MIB1: variants seen among roughly 807,000 people sequenced by gnomAD.
MIB1 encodes E3 ubiquitin-protein ligase MIB1.
In MIB1, 278 loss-of-function variants were observed where a neutral mutation model predicts 124.5. The observed-to-expected ratio is 2.23, with a 90% CI of 2.02 to 2.47. MIB1 has a LOEUF of 2.47. MIB1 is among the 30% of genes most tolerant of loss of function. MIB1 has a pLI of 0.00. For synonymous variants in MIB1, 446 were observed against 429.4 expected (o/e 1.04, Z -0.48); for missense variants, 957 against 1,254.4 (o/e 0.76, Z 3.58).
intron 12 of MIB1, among the ~76,000 whole-genome samples, chr18:21,829,744 G>T (rs2041961523): frequency 1.3e-5 from 2 of 151,770 alleles, no homozygotes; most frequent in Middle Eastern, 3.4e-3. Flanking sequence ...CTTCTCTTTG[G>T]GTTAAATACA....
chr18:21,736,144 CA>C (rs1211996572), upstream of MIB1, among the ~76,000 whole-genome samples: 1 of 152,198 alleles, frequency 6.6e-6, no homozygotes, highest in Non-Finnish European at 1.5e-5. Flanking sequence ...TGGCATCTGG[CA>C]GGTGCCCCTC....
chr18:21,773,598 T>A, intron 3 of MIB1, 26 bp from the exon 4 acceptor site: 2 of 1,546,426 alleles, frequency 1.3e-6, no homozygotes, highest in Non-Finnish European at 1.8e-6. Flanking sequence ...TTAAAAAACT[T>A]CTTTTCTCAA....
intron 1 of MIB1, among the ~76,000 whole-genome samples, chr18:21,727,805 CTT>C (rs1215736117): frequency 6.6e-6 from 1 of 152,120 alleles, no homozygotes; most frequent in Non-Finnish European, 1.5e-5. Context: ...GTCAGAGACT[CTT>C]TGGTTTCCTG....
Position 21,741,056 on chromosome 18 carries a change from C to A in MIB1, c.-528C>A, listed in dbSNP as rs551084883. On this transcript the variant is annotated 5_prime_UTR_variant, in exon 1 of 21. Transcript: ENST00000261537. The surrounding 1 kb of genome is among the most constrained non-coding windows in gnomAD (Gnocchi z 5.4). The stretch of plus-strand genomic sequence containing the variant: ...CCTGAGGGCCCGGGCGCTCGCCGGA[C>A]GCCGGGAGGTACCACCGCTGCCCAC... Among the ~76,000 whole-genome samples the A allele has an allele frequency of 8.6e-5, 13 of 151,988 alleles. No homozygotes were observed. Among genetic ancestry groups the A allele is most frequent in the African/African-American group, 3.1e-4 (13 of 41,480 alleles).
In MIB1 at chr18:21,765,806, C is replaced by G. The variant is rs1242581374; in HGVS notation, c.264C>G (p.Cys88Trp). The change falls in exon 2 of 21, where the codon TGC becomes TGG. Residue 88 changes from cysteine (C) to tryptophan (W), a missense_variant. By Grantham distance (215) the Cys-to-Trp change is radical (BLOSUM62 -2). Coordinates refer to ENST00000261537, the MANE Select transcript of MIB1 (RefSeq NM_020774.4). ...IKHDGTMCDT[C>W]RQQPIIGIRW... ...ATGATGGAACCATGTGTGATACCTG[C>G]CGCCAGCAACCAATCATTGGCATTC... The G allele has an allele frequency of 1.2e-6, 2 of 1,614,056 alleles. No individual in the cohort carries two copies. Among genetic ancestry groups the G allele is most frequent in the Admixed American group, 1.7e-5 (1 of 60,016 alleles).
chr18:21,777,118 C>T (rs2041298225), intron 4 of MIB1, among the ~76,000 whole-genome samples: 1 of 151,738 alleles, frequency 6.6e-6, no homozygotes, highest in African/African-American at 2.4e-5. Flanking sequence ...GTAAAAGTAT[C>T]TTTAAAATGG....
intron 1 of MIB1, among the ~76,000 whole-genome samples, chr18:21,721,869 T>C (rs2040717276): frequency 6.6e-6 from 1 of 152,238 alleles, no homozygotes; most frequent in African/African-American, 2.4e-5. Context: ...TACATTACTG[T>C]GGAGTGTTGG....
At chr18:21,790,529 A>C (rs1179091474) in intron 6 of MIB1, among the ~76,000 whole-genome samples, 1 of 152,178 alleles carries the variant, frequency 6.6e-6, no homozygotes, top group Non-Finnish European at 1.5e-5. Flanking sequence ...CATTCTTTGA[A>C]AAAAAAGTCA....
chr18:21,757,482 A>G (rs867490387), intron 1 of MIB1, among the ~76,000 whole-genome samples: 22 of 115,462 alleles, frequency 1.9e-4, no homozygotes, highest in African/African-American at 6.7e-4. Context: ...AAAAAAAAAG[A>G]CAGTCTTTTT....
intron 1 of MIB1, among the ~76,000 whole-genome samples, chr18:21,706,506 G>A (rs559202794): frequency 6.6e-6 from 1 of 152,316 alleles, no homozygotes; most frequent in East Asian, 1.9e-4. Flanking sequence ...CTTGCAGGGA[G>A]GTGTGGAGAG....
chr18:21,795,124 A>G (rs2041558160), intron 7 of MIB1, among the ~76,000 whole-genome samples: 2 of 151,468 alleles, frequency 1.3e-5, no homozygotes, highest in South Asian at 2.1e-4. Flanking sequence ...GAGCACATGA[A>G]AAGTTTAATA....
intron 8 of MIB1, among the ~76,000 whole-genome samples, 189 bp downstream of exon 8, chr18:21,798,417 A>G (rs1297499146): frequency 6.6e-6 from 1 of 152,094 alleles, no homozygotes; most frequent in Non-Finnish European, 1.5e-5. Flanking sequence ...AATGTGTTGA[A>G]CAACCTTTAT....
At chr18:21,773,874 A>C in intron 4 of MIB1, 146 bp downstream of exon 4, 1 of 537,798 alleles carries the variant, frequency 1.9e-6, no homozygotes, top group Non-Finnish European at 3.2e-6. Flanking sequence ...TTTAATAGTA[A>C]ATATGATTTG....
chr18:21,822,915 T>C (rs918935845), intron 12 of MIB1, among the ~76,000 whole-genome samples: 2 of 151,832 alleles, frequency 1.3e-5, no homozygotes, highest in African/African-American at 4.8e-5. Flanking sequence ...ACCTGGGCAA[T>C]GTAGCAAGAC....
chr18:21,752,895 C>G (rs2040991106), intron 1 of MIB1, among the ~76,000 whole-genome samples: 1 of 152,050 alleles, frequency 6.6e-6, no homozygotes. Flanking sequence ...AGTTTATATA[C>G]AGACTAATGA....
At chr18:21,730,097 C>T (rs2040761418) in intron 1 of MIB1, among the ~76,000 whole-genome samples, 1 of 152,216 alleles carries the variant, frequency 6.6e-6, no homozygotes, top group African/African-American at 2.4e-5. Context: ...TGAATTCCTT[C>T]ATTCTTCAAT....
Position 21,869,890 on chromosome 18 carries a change from A to G in MIB1, c.*5224A>G, listed in dbSNP as rs547731527. The G allele has an allele frequency of 6.6e-6, 1 of 152,134 alleles. No homozygotes were observed. Among genetic ancestry groups the G allele is most frequent in the Non-Finnish European group, 1.5e-5 (1 of 67,924 alleles). 9.4% of individuals were successfully genotyped at this position (152,134 alleles called of 1,614,324 possible). A position where few individuals can be genotyped will look rare whatever the true frequency, so the allele number is the denominator to read the frequency against. The stretch of plus-strand genomic sequence containing the variant: ...GTATGTCATTCTTAATGCTAGTCTT[A>G]TAGAATAAATCCATAAAATTGTTTT... On this transcript the variant is annotated 3_prime_UTR_variant, in exon 21 of 21. Transcript: ENST00000261537.
chr18:21,759,346 G>A (rs1390211805), intron 1 of MIB1, among the ~76,000 whole-genome samples: 9 of 151,932 alleles, frequency 5.9e-5, no homozygotes, highest in African/African-American at 1.7e-4. Context: ...GGGTTCAAGC[G>A]ATTCTCCTGC....
At chr18:21,814,858 G>C (rs987450785) in intron 10 of MIB1, among the ~76,000 whole-genome samples, 1 of 150,752 alleles carries the variant, frequency 6.6e-6, no homozygotes, top group Non-Finnish European at 1.5e-5. Flanking sequence ...ACAGGTGTGA[G>C]CCACTGCGCC....
Sources: allele counts gnomAD v4.1 joint callset (sites outside exome capture counted in the v4.1 genomes callset), GRCh38; gene constraint gnomAD v4.1.1; non-coding constraint Gnocchi (gnomAD v3.1); transcripts MANE v1.5; gene names NCBI Gene and HGNC (gene_info 2026-07-23, HGNC 2026-07-21).